Variants in IL1RAPL2 observed in about 807,000 individuals in gnomAD.
The protein encoded by IL1RAPL2 is interleukin 1 receptor accessory protein like 2.
IL1RAPL2 carries 3 observed loss-of-function variants against 44.1 expected under a neutral mutation model. That is an observed-to-expected ratio of 0.07 (90% CI 0.03 to 0.18). IL1RAPL2 has a LOEUF of 0.18. Among genes scored for constraint, IL1RAPL2 ranks in the 10% least tolerant of loss-of-function variants. IL1RAPL2 has a pLI of 1.00. For synonymous variants in IL1RAPL2, 181 were observed against 178.8 expected, an observed-to-expected ratio of 1.01 and a Z score of -0.10; for missense variants, 391 against 496.4, an observed-to-expected ratio of 0.79 and a Z score of 2.02.
intron 6 of IL1RAPL2, among the ~76,000 whole-genome samples, chrX:105,540,325 G>A (rs779106859): frequency 9.0e-6 from 1 of 111,667 alleles, no homozygotes; most frequent in South Asian, 3.8e-4. Flanking sequence ...ATAAAATGTG[G>A]CATATATACG....
At chrX:104,618,830 C>A (rs1401665835) in intron 1 of IL1RAPL2, among the ~76,000 whole-genome samples, 2 of 111,320 alleles carry the variant, frequency 1.8e-5, no homozygotes, top group Non-Finnish European at 3.8e-5. Flanking sequence ...AGGATCTATG[C>A]CCATGAAGGG....
intron 2 of IL1RAPL2, among the ~76,000 whole-genome samples, chrX:104,704,471 C>T (rs1243065868): frequency 4.5e-5 from 5 of 111,360 alleles, no homozygotes; most frequent in Non-Finnish European, 9.4e-5. Flanking sequence ...CTCCCTTACT[C>T]TCAGTGAAGT....
intron 5 of IL1RAPL2, among the ~76,000 whole-genome samples, chrX:105,431,263 CG>C (rs1318968498): frequency 8.9e-6 from 1 of 112,131 alleles, no homozygotes; most frequent in Non-Finnish European, 1.9e-5. Flanking sequence ...AGAGCGAATA[CG>C]GTCTAACTAG....
chrX:105,662,189 C>A (rs1290967737), intron 6 of IL1RAPL2, among the ~76,000 whole-genome samples: 5 of 112,279 alleles, frequency 4.5e-5, no homozygotes, highest in Non-Finnish European at 9.4e-5. Flanking sequence ...ATTTTCACTG[C>A]TCTCATGCTT....
chrX:104,821,636 G>A (rs764009884), intron 2 of IL1RAPL2, among the ~76,000 whole-genome samples: 8 of 111,739 alleles, frequency 7.2e-5, no homozygotes, highest in Admixed American at 4.8e-4. Flanking sequence ...TTCTTTATCC[G>A]GTCTATCATT....
At chrX:104,754,234 A>G (rs1278871415) in intron 2 of IL1RAPL2, among the ~76,000 whole-genome samples, 4 of 111,564 alleles carry the variant, frequency 3.6e-5, no homozygotes, top group African/African-American at 1.3e-4. Context: ...GAGAATGATC[A>G]TAGCGATTTT....
chrX:105,669,152 G>C (rs959424984), intron 6 of IL1RAPL2, among the ~76,000 whole-genome samples: 4 of 111,663 alleles, frequency 3.6e-5, no homozygotes, highest in Non-Finnish European at 7.5e-5. Flanking sequence ...ATAAAAATAA[G>C]ATTACTTATT....
chrX:105,119,842 G>A (rs1358975526), intron 2 of IL1RAPL2, among the ~76,000 whole-genome samples: 1 of 110,862 alleles, frequency 9.0e-6, no homozygotes, highest in African/African-American at 3.3e-5. Context: ...TGATAATGAT[G>A]ATAACAATGA....
chrX:105,665,720 ATTTTTGTT>A (rs1330199870), intron 6 of IL1RAPL2, among the ~76,000 whole-genome samples: 25 of 78,219 alleles, frequency 3.2e-4, no homozygotes, highest in South Asian at 2.2e-3. Context: ...AATAGTTTTT[ATTTTTGTT>A]TTTTTGTTTT....
chrX:105,696,326 T>C (rs2038075598), intron 6 of IL1RAPL2, among the ~76,000 whole-genome samples: 1 of 111,577 alleles, frequency 9.0e-6, no homozygotes, highest in Non-Finnish European at 1.9e-5. Context: ...TGAGGGGGCC[T>C]GGCACAGCTG....
At chrX:105,250,566 GA>G (rs984563860) in intron 4 of IL1RAPL2, among the ~76,000 whole-genome samples, 9 of 108,497 alleles carry the variant, frequency 8.3e-5, no homozygotes, top group Admixed American at 9.9e-5. Context: ...TATTAATTAA[GA>G]AAAAAAACAA....
chrX:104,575,800 A>C (rs1928233409), intron 1 of IL1RAPL2, among the ~76,000 whole-genome samples: 1 of 112,003 alleles, frequency 8.9e-6, no homozygotes, highest in Non-Finnish European at 1.9e-5. Context: ...GGGGATGTTT[A>C]GAACTAACAG....
chrX:104,630,825 GT>G lies in IL1RAPL2; in HGVS notation c.-19-28060del, dbSNP rs199714038. ...TCATTTGTTTGTCTCATTCATTAGT[GT>G]TTTTTTTTTCAAGCTTCTTTTTTTT... is the stretch of plus-strand genomic sequence containing the variant. On this transcript the variant is annotated intron_variant, in intron 1 of 10. Transcript: ENST00000372582. Among the ~76,000 whole-genome samples the G allele has an allele frequency of 3.3e-3, 333 of 100,995 alleles. 1 individual carries two copies. The highest frequency in any genetic ancestry group is 8.3e-3 in the African/African-American group (232 of 27,995). The allele number at this position is 100,995 out of a possible 115,157, so 87.7% of individuals were successfully genotyped here. A position where few individuals can be genotyped will look rare whatever the true frequency, so the allele number is the denominator to read the frequency against.
chrX:105,086,311 A>G (rs1006366615), intron 2 of IL1RAPL2, among the ~76,000 whole-genome samples: 3 of 111,826 alleles, frequency 2.7e-5, no homozygotes, highest in Non-Finnish European at 5.6e-5. Context: ...CTTAAAAAGC[A>G]AATGAAATCC....
chrX:104,673,685 G>A (rs1930671563), intron 2 of IL1RAPL2, among the ~76,000 whole-genome samples: 1 of 110,334 alleles, frequency 9.1e-6, no homozygotes, highest in Non-Finnish European at 1.9e-5. Context: ...AAATTACCTT[G>A]GGCAGTATGG....
chrX:105,414,295 T>A (rs1457576399), intron 5 of IL1RAPL2, among the ~76,000 whole-genome samples: 2 of 110,518 alleles, frequency 1.8e-5, no homozygotes, highest in African/African-American at 6.6e-5. Context: ...GCCCAGCTAA[T>A]GTTTGTATTT....
At chrX:105,663,287 T>C (rs1008687971) in intron 6 of IL1RAPL2, among the ~76,000 whole-genome samples, 3 of 112,205 alleles carry the variant, frequency 2.7e-5, no homozygotes, top group Admixed American at 1.9e-4. Context: ...AAATATAATA[T>C]ACAAAAGTAT....
chrX:105,055,511 C>A (rs2031980490), intron 2 of IL1RAPL2, among the ~76,000 whole-genome samples: 1 of 111,696 alleles, frequency 9.0e-6, no homozygotes, highest in Admixed American at 9.5e-5. Context: ...TTATTTTTAG[C>A]ATTACACAGT....
chrX:105,205,546 C>T (rs1342566692), intron 3 of IL1RAPL2, among the ~76,000 whole-genome samples: 1 of 87,556 alleles, frequency 1.1e-5, no homozygotes, highest in Non-Finnish European at 2.1e-5. Flanking sequence ...GCTGAGACTG[C>T]GCCACGGCAC....
Sources: gnomAD v4.1 joint callset for allele counts (sites outside exome capture counted in the v4.1 genomes callset) on GRCh38, gnomAD v4.1.1 for gene constraint, MANE v1.5 for transcripts, NCBI Gene and HGNC (gene_info 2026-07-23, HGNC 2026-07-21) for gene names.